RPS6KA2: variants seen among roughly 807,000 people sequenced by gnomAD.
RPS6KA2 encodes the protein ribosomal protein S6 kinase A2.
A neutral mutation model predicts 91.8 loss-of-function variants in RPS6KA2; 42 were observed. That is an observed-to-expected ratio of 0.46 (90% CI 0.36 to 0.59). RPS6KA2 has a LOEUF of 0.59. RPS6KA2 is among the 20% of genes least tolerant of loss of function. RPS6KA2 has a pLI of 0.00. For missense variants in RPS6KA2, 798 were observed against 978.5 expected (o/e 0.82, Z 2.46); for synonymous variants, 414 against 393.6 (o/e 1.05, Z -0.61).
At chr6:166,562,949 G>A (rs3799617) in intron 1 of RPS6KA2, among the ~76,000 whole-genome samples, 32,562 of 152,190 alleles carry the variant, frequency 0.21, 3,900 homozygotes, top group Non-Finnish European at 0.26. Context: ...GGGGTACAAG[G>A]ACAGGCGCCC....
At chr6:166,499,178 A>G (rs1362919044) in intron 7 of RPS6KA2, among the ~76,000 whole-genome samples, 1 of 152,212 alleles carries the variant, frequency 6.6e-6, no homozygotes, top group Non-Finnish European at 1.5e-5. Context: ...CTATGATGGA[A>G]GAACAGGGAT....
intron 11 of RPS6KA2, 151 bp downstream of exon 11, chr6:166,469,690 G>A (rs1424098628): frequency 8.1e-6 from 6 of 740,272 alleles, no homozygotes; most frequent in Non-Finnish European, 1.5e-5. Context: ...GCAGGGTCCT[G>A]GGGGCTCCCT....
At chr6:166,465,038 G>A (rs970438941) in intron 11 of RPS6KA2, among the ~76,000 whole-genome samples, 8 of 152,158 alleles carry the variant, frequency 5.3e-5, no homozygotes, top group Admixed American at 1.3e-4. Context: ...TGGCAGTATC[G>A]GATCACAGAG....
intron 2 of RPS6KA2, among the ~76,000 whole-genome samples, chr6:166,703,203 G>A (rs1003244586): frequency 3.9e-5 from 6 of 152,212 alleles, no homozygotes; most frequent in African/African-American, 1.4e-4. Context: ...GCTGCGGAAT[G>A]CTTATTCGTA....
At chr6:166,822,167 C>T (rs1460441399) in intron 2 of RPS6KA2, among the ~76,000 whole-genome samples, 1 of 152,196 alleles carries the variant, frequency 6.6e-6, no homozygotes, top group Non-Finnish European at 1.5e-5. Flanking sequence ...CTAGCAATTC[C>T]ATGCTTGACA....
At chr6:166,415,023 C>T (rs377023263) in intron 19 of RPS6KA2, among the ~76,000 whole-genome samples, 55 of 152,324 alleles carry the variant, frequency 3.6e-4, no homozygotes, top group African/African-American at 1.3e-3. Flanking sequence ...TGAGATTGCA[C>T]CATTGCACTC....
chr6:166,530,201 C>T (rs2128491364), intron 3 of RPS6KA2, among the ~76,000 whole-genome samples: 1 of 152,354 alleles, frequency 6.6e-6, no homozygotes, highest in South Asian at 2.1e-4. Context: ...ATCTCAGAGC[C>T]TCATGGGGCC....
In RPS6KA2 at chr6:166,561,561, G is replaced by T. The variant is rs190742222; in HGVS notation, c.100-22777C>A. On this transcript the variant is annotated intron_variant, in intron 1 of 20. Transcript: ENST00000265678. ...GACTCTCTCATCTGCTTGACTCTGT[G>T]GGGGGAGTCCTGGGTCAGTGCTTAC... 3.9e-4 allele frequency among the ~76,000 whole-genome samples: 60 copies of T among 151,920 alleles called. 1 individual carries two copies. The East Asian group carries it at 8.2e-3, about 21-fold the overall frequency.
chr6:166,493,717 G>C lies in RPS6KA2; in HGVS notation c.748-2976C>G, dbSNP rs981672856. ...GACATAACGCAGTGCTTCTCAACTG[G>C]GGTCACCGTTGCCTGCCAGGGGACA... On this transcript the variant is annotated intron_variant, in intron 8 of 20. Coordinates refer to ENST00000265678, the MANE Select transcript of RPS6KA2 (RefSeq NM_021135.6). The surrounding 1 kb of genome is among the most constrained non-coding windows in gnomAD (Gnocchi z 4.7). 6.6e-6 allele frequency among the ~76,000 whole-genome samples: 1 copy of C among 152,154 alleles called. No individual in the cohort carries two copies. The highest frequency in any genetic ancestry group is 2.4e-5 in the African/African-American group (1 of 41,410).
At chr6:166,790,331 T>A (rs1779050190) in intron 2 of RPS6KA2, among the ~76,000 whole-genome samples, 1 of 152,086 alleles carries the variant, frequency 6.6e-6, no homozygotes, top group South Asian at 2.1e-4. Flanking sequence ...TAAAAAGAAA[T>A]GAACAAAGCT....
chr6:166,744,782 TCGCGAGCCTGCACCTGACTCCAG>T (rs1790939200), intron 2 of RPS6KA2, among the ~76,000 whole-genome samples: 1 of 151,872 alleles, frequency 6.6e-6, no homozygotes, highest in South Asian at 2.1e-4. Flanking sequence ...GGCGGTGGGG[TCGCGAGCCTGCACCTGACTCCAG>T]TTGAAGACAC....
intron 2 of RPS6KA2, among the ~76,000 whole-genome samples, chr6:166,675,079 T>G (rs1562376526): frequency 6.6e-6 from 1 of 152,182 alleles, no homozygotes; most frequent in South Asian, 2.1e-4. Context: ...GGTTCTCAGG[T>G]TCTTCTGTTC....
In RPS6KA2 at chr6:166,733,881, G is replaced by A. The variant is rs1422566220; in HGVS notation, c.123+124319C>T. Among the ~76,000 whole-genome samples the A allele has an allele frequency of 1.3e-5, 2 of 152,228 alleles. No individual in the cohort carries two copies. The highest frequency in any genetic ancestry group is 2.9e-5 in the Non-Finnish European group (2 of 68,040). On this transcript the variant is annotated intron_variant, in intron 2 of 21. Coordinates refer to the RPS6KA2 transcript ENST00000503859. This position sits in a 1 kb window ranked among gnomAD's most constrained non-coding sequence, Gnocchi z 4.1. ...GCTGAACAGAGTAAACCAATAGAAA[G>A]AGAAATGGTAAAATGAAAAACTGAG...
At chr6:166,641,113 A>G (rs964487672) in intron 2 of RPS6KA2, among the ~76,000 whole-genome samples, 1 of 152,186 alleles carries the variant, frequency 6.6e-6, no homozygotes, top group Non-Finnish European at 1.5e-5. Context: ...CAGGAGGAAC[A>G]TGCTTTAAAC....
rs761859027 is a variant in RPS6KA2, at chr6:166,423,226, G to GGT, written c.1743+29_1743+30insAC. 5.7e-6 allele frequency: 9 copies of GGT among 1,586,524 alleles called. No individual in the cohort carries two copies. Among genetic ancestry groups the GGT allele is most frequent in the Middle Eastern group, 1.7e-4 (1 of 5,872 alleles). On this transcript the variant is annotated intron_variant, in intron 17 of 20. Transcript: ENST00000265678. This position sits in a 1 kb window ranked among gnomAD's most constrained non-coding sequence, Gnocchi z 4.8. Reference sequence around the variant, plus strand: ...CAGAGCCTGTCTTTGCGGATAGAGAGGCCTGGGTCTGCAGTCGGGGAATGC... The same window carrying GGT: ...CAGAGCCTGTCTTTGCGGATAGAGAGGTGCCTGGGTCTGCAGTCGGGGAATGC...
chr6:166,686,235 G>T (rs1406046577), intron 2 of RPS6KA2, among the ~76,000 whole-genome samples: 1 of 152,076 alleles, frequency 6.6e-6, no homozygotes, highest in Non-Finnish European at 1.5e-5. Context: ...GGTGCATATC[G>T]GGCACCAGGC....
intron 1 of RPS6KA2, among the ~76,000 whole-genome samples, chr6:166,559,885 AAG>A (rs1346347751): frequency 3.3e-5 from 5 of 152,216 alleles, no homozygotes; most frequent in African/African-American, 9.6e-5. Flanking sequence ...TGTTACCAAA[AAG>A]AGAAAAATCT....
chr6:166,456,045 T>C (rs141854069), intron 12 of RPS6KA2, among the ~76,000 whole-genome samples: 68 of 152,316 alleles, frequency 4.5e-4, no homozygotes, highest in Middle Eastern at 3.4e-3. Context: ...CCATGTTAAC[T>C]TGACAGACAC....
chr6:166,716,026 A>T (rs1473528543), intron 2 of RPS6KA2, among the ~76,000 whole-genome samples: 3 of 120,160 alleles, frequency 2.5e-5, no homozygotes, highest in Non-Finnish European at 4.9e-5. Flanking sequence ...TGACAGAGTG[A>T]GACTCCATCA....
Sources: allele counts gnomAD v4.1 joint callset (sites outside exome capture counted in the v4.1 genomes callset), GRCh38; gene constraint gnomAD v4.1.1; non-coding constraint Gnocchi (gnomAD v3.1); transcripts MANE v1.5; gene names NCBI Gene and HGNC (gene_info 2026-07-23, HGNC 2026-07-21).